SPAG16: variants seen among roughly 807,000 people sequenced by gnomAD.
SPAG16 encodes the protein sperm associated antigen 16.
SPAG16 carries 86 observed loss-of-function variants against 80.4 expected under a neutral mutation model. That is an observed-to-expected ratio of 1.07 (90% CI 0.90 to 1.28). The LOEUF is 1.28. SPAG16 is among the 50% of genes most tolerant of loss of function. SPAG16 has a pLI of 0.00. For missense variants in SPAG16, 870 were observed against 765.3 expected, an observed-to-expected ratio of 1.14 and a Z score of -1.61; for synonymous variants, 294 against 265.9, an observed-to-expected ratio of 1.11 and a Z score of -1.03.
At chr2:213,474,123 G>C (rs113709002) in intron 9 of SPAG16, among the ~76,000 whole-genome samples, 5 of 152,266 alleles carry the variant, frequency 3.3e-5, no homozygotes, top group African/African-American at 1.2e-4. Context: ...AGTTTCATCA[G>C]AGTTTACAAA....
chr2:213,601,914 G>A (rs976691396), intron 10 of SPAG16, among the ~76,000 whole-genome samples: 1 of 152,192 alleles, frequency 6.6e-6, no homozygotes, highest in African/African-American at 2.4e-5. Context: ...CAGGGTGGGG[G>A]ATGGTTTCTG....
chr2:213,543,311 G>GT (rs2076514687), intron 10 of SPAG16, among the ~76,000 whole-genome samples: 2 of 151,920 alleles, frequency 1.3e-5, no homozygotes, highest in African/African-American at 4.8e-5. Flanking sequence ...TATTTGTTGG[G>GT]TTTTTTAAAT....
At chr2:213,583,917 T>C (rs1376353990) in intron 10 of SPAG16, among the ~76,000 whole-genome samples, 3 of 152,174 alleles carry the variant, frequency 2.0e-5, no homozygotes, top group African/African-American at 7.2e-5. Flanking sequence ...AGCAATAAAT[T>C]ACGAACAACG....
intron 13 of SPAG16, among the ~76,000 whole-genome samples, chr2:214,044,231 A>G (rs2049187874): frequency 6.6e-6 from 1 of 152,184 alleles, no homozygotes; most frequent in Non-Finnish European, 1.5e-5. Flanking sequence ...AAGGACTAAG[A>G]ACTGTTTCTG....
intron 7 of SPAG16, among the ~76,000 whole-genome samples, chr2:213,354,286 T>C (rs1220386893): frequency 5.3e-5 from 8 of 152,230 alleles, no homozygotes; most frequent in African/African-American, 9.6e-5. Flanking sequence ...CAGTCTATCA[T>C]TGATGGACAT....
intron 10 of SPAG16, among the ~76,000 whole-genome samples, chr2:213,525,895 TTATC>T (rs2125866387): frequency 6.6e-6 from 1 of 152,256 alleles, no homozygotes; most frequent in South Asian, 2.1e-4. Flanking sequence ...AATTTTATAA[TTATC>T]TAGGTTGTAC....
At chr2:213,663,711 G>T (rs548463884) in intron 10 of SPAG16, among the ~76,000 whole-genome samples, 1 of 152,100 alleles carries the variant, frequency 6.6e-6, no homozygotes, top group East Asian at 1.9e-4. Context: ...TCCTATATAA[G>T]ATGTAACAGC....
At chr2:213,485,376 C>T (rs1354224474) in intron 9 of SPAG16, among the ~76,000 whole-genome samples, 1 of 152,074 alleles carries the variant, frequency 6.6e-6, no homozygotes, top group East Asian at 1.9e-4. Flanking sequence ...ATGTAATCAG[C>T]CATCATAATA....
chr2:213,353,282 G>A (rs1052029596), intron 7 of SPAG16, among the ~76,000 whole-genome samples: 14 of 152,108 alleles, frequency 9.2e-5, no homozygotes, highest in African/African-American at 3.1e-4. Flanking sequence ...CCTAACCCTA[G>A]CTTTTTTTCT....
Position 214,315,726 on chromosome 2 carries a change from C to T in SPAG16, c.1721-94414C>T, listed in dbSNP as rs141343807. On this transcript the variant is annotated intron_variant, in intron 15 of 15. Coordinates refer to ENST00000331683, the MANE Select transcript of SPAG16 (RefSeq NM_024532.5). Reference sequence around the variant, plus strand: ...TTTAATTTTTTTGTAGAGTTGGGGTCTCACTATGTTGTCCAGGCTAGTCTC... The same window carrying T: ...TTTAATTTTTTTGTAGAGTTGGGGTTTCACTATGTTGTCCAGGCTAGTCTC... Among the ~76,000 whole-genome samples, 280 of 151,966 alleles carry T rather than the reference C, an allele frequency of 1.8e-3. 1 individual carries two copies. The highest frequency in any genetic ancestry group is 6.5e-3 in the African/African-American group (268 of 41,454).
At chr2:214,083,583 A>C (rs2051525306) in intron 13 of SPAG16, among the ~76,000 whole-genome samples, 1 of 152,214 alleles carries the variant, frequency 6.6e-6, no homozygotes, top group African/African-American at 2.4e-5. Context: ...GAAGAACCTC[A>C]AGAACAGACT....
At chr2:213,418,084 G>A (rs1431054950) in intron 9 of SPAG16, among the ~76,000 whole-genome samples, 3 of 152,072 alleles carry the variant, frequency 2.0e-5, no homozygotes, top group Non-Finnish European at 4.4e-5. Context: ...TATTGGTCAG[G>A]CTGGTCTTGA....
At chr2:214,384,498 T>C (rs1349522433) in intron 15 of SPAG16, among the ~76,000 whole-genome samples, 1 of 152,210 alleles carries the variant, frequency 6.6e-6, no homozygotes, top group African/African-American at 2.4e-5. Flanking sequence ...CCATATTTCA[T>C]ACAAGGGAGG....
chr2:213,560,449 C>A (rs2059566179), intron 10 of SPAG16, among the ~76,000 whole-genome samples: 1 of 151,882 alleles, frequency 6.6e-6, no homozygotes, highest in Non-Finnish European at 1.5e-5. Context: ...ATCAATGGAA[C>A]AAGTTTTAGC....
At chr2:213,922,598 T>C (rs528401034) in intron 11 of SPAG16, among the ~76,000 whole-genome samples, 3 of 152,308 alleles carry the variant, frequency 2.0e-5, no homozygotes, top group African/African-American at 7.2e-5. Flanking sequence ...GGAAAGAAGG[T>C]ACTCTGGCTT....
In SPAG16 at chr2:213,336,182, C is replaced by T. The variant is rs184510830; in HGVS notation, c.537-3981C>T. On this transcript the variant is annotated intron_variant, in intron 5 of 15. Transcript: ENST00000331683. ...TGCTTTTGTCATGGATCCTTGCAAC[C>T]TGCGGATCAGGAGTTCCCCTTGCGA... Among the ~76,000 whole-genome samples, 14 of 152,340 alleles carry T rather than the reference C, an allele frequency of 9.2e-5. No homozygotes were observed. The East Asian group carries it at 2.5e-3, about 27-fold the overall frequency.
chr2:214,371,193 G>C (rs1250002146), intron 15 of SPAG16, among the ~76,000 whole-genome samples: 1 of 152,100 alleles, frequency 6.6e-6, no homozygotes, highest in African/African-American at 2.4e-5. Flanking sequence ...ACTCGACAGG[G>C]AAAATGTGTT....
intron 15 of SPAG16, among the ~76,000 whole-genome samples, chr2:214,233,460 G>T (rs1000881597): frequency 6.6e-6 from 1 of 151,940 alleles, no homozygotes; most frequent in Non-Finnish European, 1.5e-5. Context: ...TAGGATATTT[G>T]ATCTATTGCT....
At chr2:214,184,818 T>C (rs1460255343) in intron 15 of SPAG16, among the ~76,000 whole-genome samples, 1 of 152,156 alleles carries the variant, frequency 6.6e-6, no homozygotes, top group Non-Finnish European at 1.5e-5. Context: ...TTTTGCTTTT[T>C]AGCCATTTAA....
Sources: gnomAD v4.1 joint callset for allele counts (sites outside exome capture counted in the v4.1 genomes callset) on GRCh38, gnomAD v4.1.1 for gene constraint, MANE v1.5 for transcripts, NCBI Gene and HGNC (gene_info 2026-07-23, HGNC 2026-07-21) for gene names.